CAND2: variants seen among roughly 807,000 people sequenced by gnomAD.
CAND2 encodes the protein cullin-associated NEDD8-dissociated protein 2.
Under a neutral mutation model 98.9 loss-of-function variants are expected in CAND2, and 62 were observed. The ratio of observed to expected loss-of-function variants is 0.63; its 90% CI spans 0.51 to 0.77. The LOEUF is 0.77. Among genes scored for constraint, CAND2 ranks in the 30% least tolerant of loss-of-function variants. CAND2 has a pLI of 0.00. For missense variants in CAND2, 1,501 were observed against 1,655.2 expected (o/e 0.91, Z 1.62); for synonymous variants, 770 against 731.9 (o/e 1.05, Z -0.84).
At chr3:12,807,051 A>T in intron 2 of CAND2, 1 of 383,716 alleles carries the variant, frequency 2.6e-6, no homozygotes, top group Non-Finnish European at 4.7e-6. Flanking sequence ...CAAGTTTGAG[A>T]ACCCTTGTTC....
rs1343935812 is a variant in CAND2, at chr3:12,833,967, A to G, written c.3696A>G (p.Ser1232=). Residue 1232 remains serine, a synonymous_variant, in exon 15 of 15, where the codon TCA becomes TCG. Transcript: ENST00000456430. ...KDSASAPSTD[S]MELS ...CCGCTTCAGCCCCCAGCACAGACTC[A>G]ATGGAGCTCAGCTAGTCCCCTCAGC... is the stretch of plus-strand genomic sequence containing the variant. 3 of 1,613,870 alleles carry G rather than the reference A, an allele frequency of 1.9e-6. No homozygotes were observed. Among genetic ancestry groups the G allele is most frequent in the Non-Finnish European group, 2.5e-6 (3 of 1,179,928 alleles).
chr3:12,804,148 A>T (rs2061788527), intron 2 of CAND2, among the ~76,000 whole-genome samples: 1 of 152,070 alleles, frequency 6.6e-6, no homozygotes, highest in Non-Finnish European at 1.5e-5. Flanking sequence ...AAGCTGACAC[A>T]CATCAAGGTG....
chr3:12,830,975 C>A (rs1285197883), intron 13 of CAND2, among the ~76,000 whole-genome samples: 2 of 152,194 alleles, frequency 1.3e-5, no homozygotes, highest in African/African-American at 4.8e-5. Flanking sequence ...TATTCCCCTA[C>A]AGGCTGAATC....
At chr3:12,816,262 T>G in intron 9 of CAND2, 112 bp from the exon 10 acceptor site, 1 of 1,099,782 alleles carries the variant, frequency 9.1e-7, no homozygotes, top group East Asian at 2.4e-5. Flanking sequence ...TGCAGAAGAG[T>G]TTAGGTGCTT....
Position 12,815,480 on chromosome 3 carries a change from G to A in CAND2, c.1299+47G>A. ...CCCCTACCCCCGATTTGCCTACCCA[G>A]CCACTCACTGTTAGTGTCCCTGGAC... On this transcript the variant is annotated intron_variant, in intron 8 of 14. Transcript: ENST00000456430. The surrounding 1 kb of genome is among the most constrained non-coding windows in gnomAD (Gnocchi z 5.7). The A allele has an allele frequency of 6.5e-7, 1 of 1,540,878 alleles. No homozygotes were observed. The highest frequency in any genetic ancestry group is 8.8e-7 in the Non-Finnish European group (1 of 1,130,578).
At chr3:12,799,319 G>C (rs1052414237) in intron 1 of CAND2, among the ~76,000 whole-genome samples, 1 of 152,156 alleles carries the variant, frequency 6.6e-6, no homozygotes, top group Non-Finnish European at 1.5e-5. Flanking sequence ...CCAGAGAAAA[G>C]GAGGTAGTTG....
chr3:12,806,622 C>T (rs1351635463), intron 2 of CAND2, among the ~76,000 whole-genome samples: 2 of 152,228 alleles, frequency 1.3e-5, no homozygotes, highest in African/African-American at 4.8e-5. Context: ...GGGCAGTGCC[C>T]AGGTAGGCAT....
chr3:12,796,683 T>C lies in CAND2; in HGVS notation c.-38T>C. 6.4e-7 allele frequency: 1 copy of C among 1,550,480 alleles called. No individual in the cohort carries two copies. Among genetic ancestry groups the C allele is most frequent in the Non-Finnish European group, 8.7e-7 (1 of 1,144,840 alleles). On this transcript the variant is annotated 5_prime_UTR_variant, in exon 1 of 15. Transcript: ENST00000456430. ...GGGAGGGGGCGCCCGCGCCGCCATA[T>C]TCCCTCCCGCCGGCCGGCTCCGCGG...
chr3:12,820,561 C>A (rs563234326), intron 11 of CAND2, among the ~76,000 whole-genome samples: 36 of 152,376 alleles, frequency 2.4e-4, no homozygotes, highest in South Asian at 4.1e-4. Context: ...CTCTCACATG[C>A]CTTAGCTTTT....
At chr3:12,822,243 T>C (rs909747228) in intron 11 of CAND2, among the ~76,000 whole-genome samples, 1 of 152,120 alleles carries the variant, frequency 6.6e-6, no homozygotes, top group Non-Finnish European at 1.5e-5. Flanking sequence ...TCTTTAATTT[T>C]GATGCATTGG....
chr3:12,829,049 G>T (rs2062028706), intron 13 of CAND2, among the ~76,000 whole-genome samples: 1 of 152,212 alleles, frequency 6.6e-6, no homozygotes, highest in South Asian at 2.1e-4. Flanking sequence ...CCTGCCTTCA[G>T]TTCTCTTCAC....
intron 13 of CAND2, among the ~76,000 whole-genome samples, chr3:12,830,847 TG>T (rs2062047871): frequency 6.6e-6 from 1 of 152,124 alleles, no homozygotes; most frequent in African/African-American, 2.4e-5. Context: ...TCCTTTGCTG[TG>T]GGGCTTAGGG....
intron 2 of CAND2, among the ~76,000 whole-genome samples, chr3:12,805,726 T>C (rs1194609052): frequency 1.3e-5 from 2 of 152,244 alleles, no homozygotes; most frequent in Non-Finnish European, 2.9e-5. Context: ...AAAAGTATTT[T>C]GTGTCTATGT....
At chr3:12,819,235 A>G (rs773231226) in intron 10 of CAND2, among the ~76,000 whole-genome samples, 23 of 152,236 alleles carry the variant, frequency 1.5e-4, no homozygotes, top group Non-Finnish European at 2.9e-4. Context: ...AAGAGGTAAA[A>G]GCTGAAAGTC....
chr3:12,816,283 C>CAGGCACTTGT, intron 9 of CAND2, 91 bp from the exon 10 acceptor site: 1 of 1,292,136 alleles, frequency 7.7e-7, no homozygotes, highest in East Asian at 2.3e-5. Flanking sequence ...CAGTCCAGCT[C>CAGGCACTTGT]AGGCACTTGT....
intron 9 of CAND2, 73 bp downstream of exon 9, chr3:12,816,081 G>C (rs1013077507): frequency 6.8e-7 from 1 of 1,476,004 alleles, no homozygotes; most frequent in African/African-American, 1.4e-5. Flanking sequence ...CCTGAGTTGA[G>C]CCCCCAGTTC....
At chr3:12,829,374 T>C (rs551635218) in intron 13 of CAND2, among the ~76,000 whole-genome samples, 238 of 152,308 alleles carry the variant, frequency 1.6e-3, no homozygotes, top group Non-Finnish European at 2.7e-3. Flanking sequence ...CTTGAACTCC[T>C]GACCTCAGGT....
At chr3:12,823,590 A>G (rs4684885) in intron 11 of CAND2, among the ~76,000 whole-genome samples, 106,747 of 152,050 alleles carry the variant, frequency 0.7, 38,066 homozygotes, top group African/African-American at 0.82. Context: ...TTAGCCGGGC[A>G]TGCTGGCGGG....
intron 12 of CAND2, among the ~76,000 whole-genome samples, chr3:12,826,450 C>A (rs1380681310): frequency 1.3e-5 from 2 of 151,730 alleles, no homozygotes; most frequent in Non-Finnish European, 2.9e-5. Flanking sequence ...TTTTTTGAGA[C>A]AGGATCTTGC....
Sources: allele counts gnomAD v4.1 joint callset (sites outside exome capture counted in the v4.1 genomes callset), GRCh38; gene constraint gnomAD v4.1.1; non-coding constraint Gnocchi (gnomAD v3.1); transcripts MANE v1.5; gene names NCBI Gene and HGNC (gene_info 2026-07-23, HGNC 2026-07-21).